FGFR2: variants seen among roughly 807,000 people sequenced by gnomAD.
The protein encoded by FGFR2 is BEK fibroblast growth factor receptor.
Under a neutral mutation model 95.9 loss-of-function variants are expected in FGFR2, and 19 were observed. That is an observed-to-expected ratio of 0.20 (90% CI 0.14 to 0.29). The LOEUF (loss-of-function observed/expected upper bound fraction) is 0.29, where lower values mean the gene tolerates loss of function less well. Among genes scored for constraint, FGFR2 ranks in the 10% least tolerant of loss-of-function variants. The pLI, the probability that FGFR2 is intolerant of heterozygous loss-of-function variation, is 1.00. For synonymous variants in FGFR2, 392 were observed against 393.3 expected (o/e 1.00, Z 0.04); for missense variants, 707 against 1,056.9 (o/e 0.67, Z 4.59).
intron 17 of FGFR2, chr10:121,481,906 G>A (rs930389653): frequency 2.0e-5 from 5 of 255,068 alleles, no homozygotes; most frequent in Admixed American, 5.6e-5. Flanking sequence ...GCATGATCTC[G>A]GCTCACTGCA....
intron 4 of FGFR2, among the ~76,000 whole-genome samples, chr10:121,563,584 T>C (rs921499716): frequency 1.3e-5 from 2 of 152,208 alleles, no homozygotes; most frequent in African/African-American, 4.8e-5. Context: ...GTATTTTGTG[T>C]ATTGAATAAA....
At chr10:121,500,101 T>C (rs1198048444) in intron 11 of FGFR2, among the ~76,000 whole-genome samples, 1 of 152,208 alleles carries the variant, frequency 6.6e-6, no homozygotes, top group Non-Finnish European at 1.5e-5. Context: ...GGATTTATAA[T>C]GTGACAGTTC....
chr10:121,499,014 A>G (rs1016195433), intron 11 of FGFR2, among the ~76,000 whole-genome samples: 6 of 152,202 alleles, frequency 3.9e-5, no homozygotes, highest in Admixed American at 6.5e-5. Context: ...CTCCCGACCA[A>G]GCATTCTTAA....
chr10:121,538,851 C>T, intron 5 of FGFR2, 136 bp from the exon 6 acceptor site: 1 of 1,118,438 alleles, frequency 8.9e-7, no homozygotes, highest in Non-Finnish European at 1.3e-6. Flanking sequence ...AAATTGATAA[C>T]TGTCATTAAG....
Position 121,481,827 on chromosome 10 carries a change from C to CTTTTTTTTTT in FGFR2, c.2302-1807_2302-1806insAAAAAAAAAA, listed in dbSNP as rs1172844728. 4.8e-4 allele frequency: 86 copies of CTTTTTTTTTT among 179,062 alleles called. 9 individuals are homozygous for CTTTTTTTTTT. Among genetic ancestry groups the CTTTTTTTTTT allele is most frequent in the African/African-American group, 7.6e-4 (26 of 34,270 alleles). 11.1% of individuals were successfully genotyped at this position (179,062 alleles called of 1,614,324 possible). A position where few individuals can be genotyped will look rare whatever the true frequency, so the allele number is the denominator to read the frequency against. On this transcript the variant is annotated intron_variant, in intron 17 of 17. Coordinates refer to ENST00000358487, the MANE Select transcript of FGFR2 (RefSeq NM_000141.5). ...CTTTAGTGCTTTTCCCGGTTTCTTT[C>CTTTTTTTTTT]TTTTTTATTTTTATTTTTTTTTTTT...
At chr10:121,595,954 G>C (rs774053636) in intron 1 of FGFR2, among the ~76,000 whole-genome samples, 1 of 152,244 alleles carries the variant, frequency 6.6e-6, no homozygotes, top group Non-Finnish European at 1.5e-5. Context: ...GACCTAAGGC[G>C]ACAGGTCTGC....
intron 4 of FGFR2, 124 bp from the exon 5 acceptor site, chr10:121,551,583 G>T: frequency 2.2e-6 from 2 of 911,818 alleles, no homozygotes; most frequent in Non-Finnish European, 3.3e-6. Flanking sequence ...AAATCTTTGG[G>T]TAATATTTAC....
chr10:121,525,054 A>T (rs909575389), intron 6 of FGFR2, among the ~76,000 whole-genome samples: 6 of 152,208 alleles, frequency 3.9e-5, no homozygotes, highest in African/African-American at 7.2e-5. Context: ...AGCATGTTTA[A>T]CTCTCAGATA....
chr10:121,498,416 C>G (rs1053735577), intron 12 of FGFR2, 79 bp downstream of exon 12: 103 of 955,692 alleles, frequency 1.1e-4, no homozygotes, highest in Middle Eastern at 8.3e-4. Flanking sequence ...GGAGCAGGAT[C>G]TGGAAGCCCA....
intron 5 of FGFR2, among the ~76,000 whole-genome samples, chr10:121,543,248 G>C (rs921432973): frequency 6.6e-6 from 1 of 152,144 alleles, no homozygotes. Context: ...AGTGGCTCAC[G>C]CCTGTAATCC....
At chr10:121,533,630 C>T (rs1010566987) in intron 6 of FGFR2, among the ~76,000 whole-genome samples, 1 of 152,216 alleles carries the variant, frequency 6.6e-6, no homozygotes, top group African/African-American at 2.4e-5. Context: ...CCATCTTTCT[C>T]CCGCACATTC....
intron 1 of FGFR2, among the ~76,000 whole-genome samples, chr10:121,597,703 G>A (rs1049202144): frequency 6.6e-6 from 1 of 152,254 alleles, no homozygotes; most frequent in African/African-American, 2.4e-5. Context: ...TGACAGGGAG[G>A]GGGGCGTCAA....
At chr10:121,481,823 C>A (rs1436666768) in intron 17 of FGFR2, 2 of 161,900 alleles carry the variant, frequency 1.2e-5, no homozygotes, top group East Asian at 1.4e-4. Context: ...TTCCCGGTTT[C>A]TTTCTTTTTT....
intron 3 of FGFR2, 118 bp from the exon 4 acceptor site, chr10:121,564,697 A>C: frequency 1.2e-6 from 1 of 855,270 alleles, no homozygotes; most frequent in African/African-American, 1.6e-5. Context: ...CCTCGCAAAG[A>C]GCCTGGGATT....
intron 3 of FGFR2, 54 bp from the exon 4 acceptor site, chr10:121,564,633 T>C: frequency 6.6e-7 from 1 of 1,526,278 alleles, no homozygotes; most frequent in Non-Finnish European, 9.1e-7. Flanking sequence ...GCAAAAAGGT[T>C]GCAATTATCT....
chr10:121,515,900 G>T (rs1314155812), intron 8 of FGFR2, among the ~76,000 whole-genome samples: 1 of 149,980 alleles, frequency 6.7e-6, no homozygotes, highest in African/African-American at 2.5e-5. Flanking sequence ...ACAAACCAAT[G>T]CATTAAATAC....
At chr10:121,491,947 G>A (rs1415005627) in intron 13 of FGFR2, among the ~76,000 whole-genome samples, 1 of 151,416 alleles carries the variant, frequency 6.6e-6, no homozygotes, top group African/African-American at 2.4e-5. Context: ...GGGAGGCTGA[G>A]GTGGGCAGAT....
chr10:121,501,133 T>C (rs1408436100), intron 10 of FGFR2, among the ~76,000 whole-genome samples, 186 bp from the exon 11 acceptor site: 1 of 152,204 alleles, frequency 6.6e-6, no homozygotes, highest in Admixed American at 6.5e-5. Flanking sequence ...TTAGAGAATG[T>C]CAATTACTGG....
At position 121,488,121 on chromosome 10, in the gene FGFR2, C is replaced by G. The variant is rs2133840154; in HGVS notation, c.1864-8G>C. The G allele has an allele frequency of 1.2e-6, 2 of 1,613,694 alleles. No individual in the cohort carries two copies. On this transcript the variant is annotated splice_polypyrimidine_tract_variant and splice_region_variant and intron_variant, in intron 13 of 17. Transcript: ENST00000358487. ...TAAATCTCGATGAATACACTGAAAT[C>G]AAGAAAGAAGCAAGAGAAATAACTA...
Sources: allele counts gnomAD v4.1 joint callset (sites outside exome capture counted in the v4.1 genomes callset), GRCh38; gene constraint gnomAD v4.1.1; transcripts MANE v1.5; gene names NCBI Gene and HGNC (gene_info 2026-07-23, HGNC 2026-07-21).